The following RUFY3 variants were observed in gnomAD, a reference collection of about 807,000 sequenced individuals.
RUFY3 encodes the protein protein RUFY3.
RUFY3 carries 34 observed loss-of-function variants against 84.0 expected under a neutral mutation model. The observed-to-expected ratio is 0.40, with a 90% CI of 0.31 to 0.54. The LOEUF (loss-of-function observed/expected upper bound fraction) is 0.54. RUFY3 is among the 20% of genes least tolerant of loss of function. The probability of loss-of-function intolerance (pLI) is 0.39; values close to 1 mark genes in which losing one functional copy is unlikely to be tolerated. For missense variants in RUFY3, 507 were observed against 736.8 expected (o/e 0.69, Z 3.61); for synonymous variants, 242 against 252.9 (o/e 0.96, Z 0.41).
At chr4:70,766,040 C>T (rs976360250) in intron 4 of RUFY3, among the ~76,000 whole-genome samples, 3 of 151,964 alleles carry the variant, frequency 2.0e-5, no homozygotes, top group Admixed American at 6.6e-5. Context: ...GGATTACAGG[C>T]GTGAGCCCAG....
At chr4:70,739,381 A>G (rs1720934723) in intron 1 of RUFY3, among the ~76,000 whole-genome samples, 1 of 152,172 alleles carries the variant, frequency 6.6e-6, no homozygotes, top group Non-Finnish European at 1.5e-5. Flanking sequence ...TCCAGTTGTA[A>G]GTGTAAAGTT....
chr4:70,803,899 T>A (rs934198808), intron 16 of RUFY3, among the ~76,000 whole-genome samples: 2 of 140,956 alleles, frequency 1.4e-5, no homozygotes, highest in African/African-American at 2.8e-5. Context: ...TTTTTTTTTT[T>A]AATATATATA....
intron 1 of RUFY3, among the ~76,000 whole-genome samples, chr4:70,708,336 AT>A (rs112865683): frequency 1.3e-3 from 183 of 144,246 alleles, no homozygotes; most frequent in African/African-American, 2.3e-3. Context: ...CACCCCAGCT[AT>A]TTTTTTTTTT....
chr4:70,729,499 C>T (rs900301927), intron 1 of RUFY3, among the ~76,000 whole-genome samples: 1 of 152,172 alleles, frequency 6.6e-6, no homozygotes, highest in Non-Finnish European at 1.5e-5. Flanking sequence ...CTCAAGTGAT[C>T]TGCCCACCTC....
chr4:70,729,280 A>G (rs1391982567), intron 1 of RUFY3, among the ~76,000 whole-genome samples: 1 of 151,932 alleles, frequency 6.6e-6, no homozygotes, highest in Non-Finnish European at 1.5e-5. Context: ...TTTTTGAGAC[A>G]GAGTCTCACA....
intron 1 of RUFY3, among the ~76,000 whole-genome samples, chr4:70,748,813 G>T (rs1016747347): frequency 6.6e-6 from 1 of 152,084 alleles, no homozygotes; most frequent in African/African-American, 2.4e-5. Flanking sequence ...GGAAAGCTTC[G>T]TCTCTCATTA....
intron 3 of RUFY3, among the ~76,000 whole-genome samples, chr4:70,764,177 A>C (rs1725458650): frequency 6.6e-6 from 1 of 152,226 alleles, no homozygotes; most frequent in Non-Finnish European, 1.5e-5. Context: ...TCCACACTGA[A>C]TTTATAAGGA....
intron 12 of RUFY3, chr4:70,793,285 T>C (rs1347231031): frequency 1.0e-5 from 10 of 995,466 alleles, no homozygotes; most frequent in Non-Finnish European, 1.1e-5. Flanking sequence ...TGTCCCATGA[T>C]TTAATATATG....
chr4:70,748,951 A>G (rs143649076), intron 1 of RUFY3, among the ~76,000 whole-genome samples: 271 of 152,322 alleles, frequency 1.8e-3, no homozygotes, highest in African/African-American at 6.1e-3. Flanking sequence ...CAGATGAAAC[A>G]GAAGAATGAG....
intron 1 of RUFY3, among the ~76,000 whole-genome samples, chr4:70,705,642 G>C (rs1463285497): frequency 6.6e-6 from 1 of 152,124 alleles, no homozygotes; most frequent in Non-Finnish European, 1.5e-5. Context: ...CCCTCCACCC[G>C]GGGCGCCCTG....
At chr4:70,758,965 G>C (rs1048115919) in intron 1 of RUFY3, among the ~76,000 whole-genome samples, 1 of 152,014 alleles carries the variant, frequency 6.6e-6, no homozygotes, top group African/African-American at 2.4e-5. Context: ...ATGAACCCGG[G>C]AGGCGGAGCT....
chr4:70,750,694 C>A (rs180685440), intron 1 of RUFY3, among the ~76,000 whole-genome samples: 15 of 152,276 alleles, frequency 9.9e-5, no homozygotes, highest in Admixed American at 9.2e-4. Flanking sequence ...TAACCACTCT[C>A]TATTCTTCCT....
At chr4:70,740,143 C>T (rs189714342) in intron 1 of RUFY3, among the ~76,000 whole-genome samples, 26 of 152,162 alleles carry the variant, frequency 1.7e-4, no homozygotes, top group Admixed American at 1.4e-3. Flanking sequence ...ACTCAAAGGA[C>T]CTTGAGGTAT....
At chr4:70,780,054 C>G (rs1728640251) in intron 8 of RUFY3, among the ~76,000 whole-genome samples, 1 of 152,104 alleles carries the variant, frequency 6.6e-6, no homozygotes, top group Non-Finnish European at 1.5e-5. Flanking sequence ...GTGACCTTCA[C>G]TTTCGGACAA....
intron 11 of RUFY3, 133 bp downstream of exon 11, chr4:70,789,106 A>G (rs1029626887): frequency 7.0e-7 from 1 of 1,422,768 alleles, no homozygotes; most frequent in South Asian, 1.5e-5. Context: ...GCTAGCTGCC[A>G]GTAAACTACT....
At chr4:70,728,381 G>A (rs774943802) in intron 1 of RUFY3, among the ~76,000 whole-genome samples, 8 of 152,174 alleles carry the variant, frequency 5.3e-5, no homozygotes, top group South Asian at 2.1e-4. Context: ...ATCACCTGGC[G>A]TATTGCTAGC....
chr4:70,728,787 T>C (rs946104269), intron 1 of RUFY3, among the ~76,000 whole-genome samples: 16 of 152,216 alleles, frequency 1.1e-4, no homozygotes, highest in Non-Finnish European at 1.2e-4. Flanking sequence ...AAATAATTTT[T>C]GTGTGCTTTT....
chr4:70,783,962 A>G (rs1415868276), intron 9 of RUFY3, among the ~76,000 whole-genome samples: 1 of 152,168 alleles, frequency 6.6e-6, no homozygotes, highest in Non-Finnish European at 1.5e-5. Context: ...TCTCCCTAGG[A>G]ATTCAAATCC....
At chr4:70,784,708 C>A in intron 9 of RUFY3, 88 bp from the exon 10 acceptor site, 1 of 750,100 alleles carries the variant, frequency 1.3e-6, no homozygotes, top group Non-Finnish European at 2.0e-6. Context: ...TCAGTATGAT[C>A]TTTTTTTCTT....
Sources: gnomAD v4.1 joint callset for allele counts (sites outside exome capture counted in the v4.1 genomes callset) on GRCh38, gnomAD v4.1.1 for gene constraint, MANE v1.5 for transcripts, NCBI Gene and HGNC (gene_info 2026-07-23, HGNC 2026-07-21) for gene names.